EEFSEC: variants seen among roughly 807,000 people sequenced by gnomAD.
EEFSEC encodes eukaryotic elongation factor, selenocysteine-tRNA specific.
EEFSEC carries 43 observed loss-of-function variants against 42.1 expected under a neutral mutation model. The observed-to-expected ratio is 1.02, with a 90% CI of 0.80 to 1.32. EEFSEC has a LOEUF of 1.32. Ranked by LOEUF, EEFSEC falls within the 40% of genes most tolerant of loss-of-function variation. The probability of loss-of-function intolerance (pLI) is 0.00; values close to 1 mark genes in which losing one functional copy is unlikely to be tolerated. For synonymous variants in EEFSEC, 354 were observed against 339.1 expected (o/e 1.04, Z -0.48); for missense variants, 745 against 803.6 (o/e 0.93, Z 0.88).
intron 6 of EEFSEC, chr3:128,367,934 T>C (rs1167801419): frequency 3.7e-6 from 3 of 811,444 alleles, no homozygotes; most frequent in Non-Finnish European, 4.5e-6. Context: ...GCCTAATGGT[T>C]CTTCCTCCCA....
At chr3:128,229,388 A>G (rs2065938110) in intron 1 of EEFSEC, among the ~76,000 whole-genome samples, 1 of 152,196 alleles carries the variant, frequency 6.6e-6, no homozygotes, top group Admixed American at 6.5e-5. Flanking sequence ...TTTGGACCCC[A>G]GAGAGCCCAT....
chr3:128,315,635 A>G (rs2066936912), intron 4 of EEFSEC, among the ~76,000 whole-genome samples: 1 of 152,126 alleles, frequency 6.6e-6, no homozygotes, highest in Admixed American at 6.5e-5. Context: ...CCAATTAGTT[A>G]TTTGTCAGAA....
At chr3:128,182,222 C>T (rs970958068) in intron 1 of EEFSEC, among the ~76,000 whole-genome samples, 1 of 152,020 alleles carries the variant, frequency 6.6e-6, no homozygotes, top group East Asian at 1.9e-4. Flanking sequence ...TTGTGTAATG[C>T]CCCCGCACAT....
At chr3:128,153,864 G>A in intron 1 of EEFSEC, 41 bp downstream of exon 1, 1 of 1,462,454 alleles carries the variant, frequency 6.8e-7, no homozygotes, top group Non-Finnish European at 8.9e-7. Context: ...CAGGGACGCG[G>A]GCGGAGCGAC....
At chr3:128,355,724 C>T (rs189644035) in intron 5 of EEFSEC, among the ~76,000 whole-genome samples, 42 of 151,986 alleles carry the variant, frequency 2.8e-4, no homozygotes, top group South Asian at 1.0e-3. Context: ...AGATAGTAAG[C>T]GCCTGTTTTA....
chr3:128,271,273 G>C (rs2066409761), intron 4 of EEFSEC, among the ~76,000 whole-genome samples: 1 of 152,202 alleles, frequency 6.6e-6, no homozygotes, highest in Non-Finnish European at 1.5e-5. Flanking sequence ...TCTGGGAGCA[G>C]TGACTGTGAA....
chr3:128,269,870 C>T (rs925684375), intron 4 of EEFSEC, among the ~76,000 whole-genome samples: 7 of 152,338 alleles, frequency 4.6e-5, no homozygotes, highest in East Asian at 3.9e-4. Flanking sequence ...ATTTGATCTT[C>T]GGGGTTCAGG....
At chr3:128,161,347 G>C (rs889446027) in intron 1 of EEFSEC, among the ~76,000 whole-genome samples, 1 of 152,144 alleles carries the variant, frequency 6.6e-6, no homozygotes, top group Non-Finnish European at 1.5e-5. Context: ...AAAAATGCTG[G>C]TATCTTGGCT....
chr3:128,253,586 T>C (rs2066211221), intron 2 of EEFSEC, among the ~76,000 whole-genome samples: 1 of 152,196 alleles, frequency 6.6e-6, no homozygotes. Flanking sequence ...CTCTCCTGTG[T>C]TTCTTTTCTT....
At chr3:128,405,720 A>T (rs2068101630) in intron 6 of EEFSEC, among the ~76,000 whole-genome samples, 1 of 152,238 alleles carries the variant, frequency 6.6e-6, no homozygotes, top group African/African-American at 2.4e-5. Flanking sequence ...CAGGACTGGG[A>T]AAAGGGAGGA....
At chr3:128,305,928 A>G (rs2066821139) in intron 4 of EEFSEC, among the ~76,000 whole-genome samples, 1 of 152,180 alleles carries the variant, frequency 6.6e-6, no homozygotes, top group Admixed American at 6.5e-5. Context: ...GAGCTTGTGA[A>G]TGTCCTTTGA....
chr3:128,254,838 G>A (rs1304120646), intron 2 of EEFSEC, among the ~76,000 whole-genome samples: 2 of 152,118 alleles, frequency 1.3e-5, no homozygotes. Flanking sequence ...CACAGCTGTG[G>A]TCTGTGCATG....
chr3:128,179,045 GGA>G (rs1188845973), intron 1 of EEFSEC, among the ~76,000 whole-genome samples: 1 of 152,078 alleles, frequency 6.6e-6, no homozygotes, highest in Non-Finnish European at 1.5e-5. Context: ...TTTACAGGCT[GGA>G]AAGATTGCTG....
chr3:128,418,730 G>GCCCTGACTCTGCCTAGCA, the EEFSEC span, among the ~76,000 whole-genome samples: 1 of 152,074 alleles, frequency 6.6e-6, no homozygotes, highest in African/African-American at 2.4e-5. Context: ...TGGCCGGGGT[G>GCCCTGACTCTGCCTAGCA]CCCTGACTCT....
At chr3:128,399,175 C>T (rs1243880025) in intron 6 of EEFSEC, among the ~76,000 whole-genome samples, 1 of 152,220 alleles carries the variant, frequency 6.6e-6, no homozygotes, top group East Asian at 1.9e-4. Context: ...ATCTCCACAG[C>T]TTTGACTGCA....
intron 1 of EEFSEC, among the ~76,000 whole-genome samples, chr3:128,244,417 G>T (rs909280552): frequency 6.6e-6 from 1 of 152,114 alleles, no homozygotes; most frequent in Non-Finnish European, 1.5e-5. Context: ...AAGGTGAGTG[G>T]GAAGCAACTG....
rs184239476 is a variant in EEFSEC at position 128,238,243 on chromosome 3, G to A, written c.317-8593G>A. 6.7e-4 allele frequency among the ~76,000 whole-genome samples: 102 copies of A among 152,306 alleles called. No individual in the cohort carries two copies. The Middle Eastern group carries it at 0.01, about 15-fold the overall frequency. On this transcript the variant is annotated intron_variant, in intron 1 of 6. Coordinates refer to ENST00000254730, the MANE Select transcript of EEFSEC (RefSeq NM_021937.5). ...ATTGCAGGAACCAGGGTAAAGTTGG[G>A]AATGCATGCCTGTTCTCCAGGAGAC...
At chr3:128,357,603 G>A (rs2067470172) in intron 5 of EEFSEC, among the ~76,000 whole-genome samples, 1 of 152,190 alleles carries the variant, frequency 6.6e-6, no homozygotes, top group Non-Finnish European at 1.5e-5. Context: ...TTGGGCCACT[G>A]TACATAGGGG....
intron 5 of EEFSEC, among the ~76,000 whole-genome samples, chr3:128,355,973 C>A (rs1157283011): frequency 6.6e-6 from 1 of 152,198 alleles, no homozygotes; most frequent in African/African-American, 2.4e-5. Context: ...TTTGAGCCTG[C>A]TCAGGGCCAG....
Sources: gnomAD v4.1 joint callset for allele counts (sites outside exome capture counted in the v4.1 genomes callset) on GRCh38, gnomAD v4.1.1 for gene constraint, MANE v1.5 for transcripts, NCBI Gene and HGNC (gene_info 2026-07-23, HGNC 2026-07-21) for gene names.